The following CPT2 variants were observed in gnomAD, a reference collection of about 807,000 sequenced individuals.
CPT2 encodes carnitine O-palmitoyltransferase 2, mitochondrial.
In CPT2, 37 loss-of-function variants were observed where a neutral mutation model predicts 48.6. That is an observed-to-expected ratio of 0.76 (90% CI 0.59 to 1.00). The LOEUF (loss-of-function observed/expected upper bound fraction) is 1.00, where lower values mean the gene tolerates loss of function less well. Among genes scored for constraint, CPT2 ranks in the 50% least tolerant of loss-of-function variants. The probability of loss-of-function intolerance (pLI) is 0.00; values close to 1 mark genes in which losing one functional copy is unlikely to be tolerated. For missense variants in CPT2, 772 were observed against 825.6 expected (o/e 0.94, Z 0.80); for synonymous variants, 319 against 326.9 (o/e 0.98, Z 0.26).
chr1:53,211,813 G>C (rs1419406726), intron 4 of CPT2, among the ~76,000 whole-genome samples: 1 of 151,818 alleles, frequency 6.6e-6, no homozygotes, highest in Non-Finnish European at 1.5e-5. Context: ...TGGCCAGGCT[G>C]GTCTTGAACT....
Position 53,213,595 on chromosome 1 carries a change from A to G in CPT2, c.1977A>G (p.Ter659=), listed in dbSNP as rs1203658716. 1 of 1,612,418 alleles carries G rather than the reference A, an allele frequency of 6.2e-7. No homozygotes were observed. The highest frequency in any genetic ancestry group is 1.7e-5 in the Admixed American group (1 of 59,998). ...DALEGKSIKS[*] ...TAGAAGGCAAATCCATCAAAAGTTA[A>G]CTTCTGGGCAGATGAAAAGCTACCA... The change falls in exon 5 of 5, where the codon TAA becomes TAG. Residue 659 remains the stop codon, a stop_retained_variant. Coordinates refer to ENST00000371486, the MANE Select transcript of CPT2 (RefSeq NM_000098.3).
At chr1:53,205,896 C>A (rs1260747560) in intron 3 of CPT2, among the ~76,000 whole-genome samples, 1 of 152,200 alleles carries the variant, frequency 6.6e-6, no homozygotes, top group African/African-American at 2.4e-5. Context: ...TTGAAAACCT[C>A]GTCCGGCCGG....
chr1:53,209,790 A>G, intron 3 of CPT2: 2 of 575,500 alleles, frequency 3.5e-6, no homozygotes, highest in Admixed American at 3.1e-5. Context: ...AAAACAAAAC[A>G]AAAACATTAT....
At position 53,212,335 on chromosome 1, in the gene CPT2, T is replaced by C. The variant is rs1645434735; in HGVS notation, c.1646-929T>C. 2.6e-5 allele frequency among the ~76,000 whole-genome samples: 4 copies of C among 152,138 alleles called. No homozygotes were observed. The South Asian group carries it at 8.3e-4, about 31-fold the overall frequency. ...GCCTCACCCTCCCAAAGTGCTGGGA[T>C]TATAGGCGTAAGCCACCATGCCGGG... On this transcript the variant is annotated intron_variant, in intron 4 of 4. Transcript: ENST00000371486.
intron 3 of CPT2, among the ~76,000 whole-genome samples, chr1:53,205,947 C>T (rs528805463): frequency 6.6e-6 from 1 of 152,092 alleles, no homozygotes; most frequent in Non-Finnish European, 1.5e-5. Flanking sequence ...CTTTGGGAGG[C>T]CAAGGCGGGT....
intron 1 of CPT2, among the ~76,000 whole-genome samples, chr1:53,199,407 C>T (rs1444183218): frequency 1.3e-5 from 2 of 152,162 alleles, no homozygotes; most frequent in African/African-American, 4.8e-5. Context: ...CCAGGCTGGT[C>T]TTGAACTCCT....
At chr1:53,199,681 T>C (rs1020749808) in intron 1 of CPT2, 9 of 152,242 alleles carry the variant, frequency 5.9e-5, no homozygotes, top group Non-Finnish European at 1.3e-4. Flanking sequence ...TCTGAGTAAG[T>C]CAGTGAATGT....
intron 4 of CPT2, among the ~76,000 whole-genome samples, chr1:53,212,553 A>T (rs1266314861): frequency 6.6e-6 from 1 of 152,208 alleles, no homozygotes; most frequent in Non-Finnish European, 1.5e-5. Context: ...TAGGATTTCT[A>T]AACTTACGGC....
chr1:53,206,492 GC>G (rs1159632873), intron 3 of CPT2, among the ~76,000 whole-genome samples: 1 of 152,220 alleles, frequency 6.6e-6, no homozygotes, highest in Non-Finnish European at 1.5e-5. Flanking sequence ...CAACCATGGG[GC>G]TGTACTCTGC....
chr1:53,204,600 G>A (rs1449668925), intron 3 of CPT2, among the ~76,000 whole-genome samples: 1 of 152,084 alleles, frequency 6.6e-6, no homozygotes, highest in Admixed American at 6.5e-5. Context: ...ATGGGGGTGA[G>A]GCTTGTCAGT....
intron 3 of CPT2, among the ~76,000 whole-genome samples, chr1:53,206,094 A>T (rs1645387667): frequency 6.6e-6 from 1 of 151,588 alleles, no homozygotes; most frequent in Non-Finnish European, 1.5e-5. Flanking sequence ...GAGGCAGGAG[A>T]ATAGCGTGAA....
chr1:53,210,283 G>A lies in CPT2; in HGVS notation c.609G>A (p.Gly203=). 2 of 1,614,080 alleles carry A rather than the reference G, an allele frequency of 1.2e-6. No homozygotes were observed. Among genetic ancestry groups the A allele is most frequent in the South Asian group, 2.2e-5 (2 of 91,086 alleles). The part of the protein sequence containing the change: ...RFVPSSLSWY[G]AYLVNAYPLD... ...TGCCTTCCTCTCTGTCCTGGTATGG[G>A]GCCTACCTGGTCAATGCGTATCCCC... Residue 203 remains glycine (G), a synonymous_variant, in exon 4 of 5, where the codon GGG becomes GGA. Coordinates refer to ENST00000371486, the MANE Select transcript of CPT2 (RefSeq NM_000098.3).
chr1:53,208,400 T>C (rs1000863975), intron 3 of CPT2: 3 of 152,244 alleles, frequency 2.0e-5, no homozygotes, highest in Non-Finnish European at 4.4e-5. Context: ...TCCTTATTTA[T>C]AGAGTTTATT....
rs1443316705 is a variant in CPT2 at position 53,210,454 on chromosome 1, T to G, written c.780T>G (p.Asp260Glu). Residue 260 changes from aspartate to glutamate, a missense_variant, in exon 4 of 5, where the codon GAT becomes GAG. By Grantham distance (45) the Asp-to-Glu change is conservative. Coordinates refer to ENST00000371486, the MANE Select transcript of CPT2 (RefSeq NM_000098.3). ...NFYIFDVLDQ[D>E]GNIVSPSEIQ... ...ATATCTTTGATGTCCTGGATCAAGA[T>G]GGGAACATTGTGAGCCCCTCGGAAA... 2 of 1,614,030 alleles carry G rather than the reference T, an allele frequency of 1.2e-6. No individual in the cohort carries two copies. Among genetic ancestry groups the G allele is most frequent in the Admixed American group, 3.3e-5 (2 of 60,004 alleles).
chr1:53,206,006 C>T (rs984133729), intron 3 of CPT2, among the ~76,000 whole-genome samples: 1 of 152,012 alleles, frequency 6.6e-6, no homozygotes, highest in African/African-American at 2.4e-5. Context: ...CATGGTGAAA[C>T]CCTGTCTGTA....
chr1:53,202,297 A>G (rs1557713970), intron 2 of CPT2, 26 bp from the exon 3 acceptor site: 1 of 1,582,820 alleles, frequency 6.3e-7, no homozygotes, highest in Admixed American at 1.7e-5. Flanking sequence ...CCATGGTTTG[A>G]TTTTGTCTTT....
At chr1:53,197,907 C>T (rs1572378846) in intron 1 of CPT2, among the ~76,000 whole-genome samples, 1 of 151,982 alleles carries the variant, frequency 6.6e-6, no homozygotes, top group East Asian at 1.9e-4. Flanking sequence ...ACCCAAATTT[C>T]TCTTCTCCTC....
intron 1 of CPT2, chr1:53,197,415 G>C: frequency 2.2e-6 from 1 of 444,632 alleles, no homozygotes; most frequent in South Asian, 2.2e-5. Flanking sequence ...AAAAATGCCA[G>C]ACCTGCATAT....
intron 3 of CPT2, among the ~76,000 whole-genome samples, chr1:53,206,895 G>A (rs1279883966): frequency 1.3e-5 from 2 of 152,222 alleles, no homozygotes; most frequent in Non-Finnish European, 2.9e-5. Context: ...AGAAGTACAT[G>A]AAATTTGGGA....
Sources: allele counts gnomAD v4.1 joint callset (sites outside exome capture counted in the v4.1 genomes callset), GRCh38; gene constraint gnomAD v4.1.1; transcripts MANE v1.5; gene names NCBI Gene and HGNC (gene_info 2026-07-23, HGNC 2026-07-21).